The following STYXL2 variants were observed in gnomAD, a reference collection of about 807,000 sequenced individuals.
STYXL2 encodes the protein serine/threonine/tyrosine interacting like 2.
STYXL2 carries 44 observed loss-of-function variants against 52.4 expected under a neutral mutation model. That is an observed-to-expected ratio of 0.84 (90% CI 0.66 to 1.08). The LOEUF (loss-of-function observed/expected upper bound fraction) is 1.08. Among genes scored for constraint, STYXL2 ranks in the 50% least tolerant of loss-of-function variants. The pLI is 0.00. For synonymous variants in STYXL2, 604 were observed against 586.9 expected, an observed-to-expected ratio of 1.03 and a Z score of -0.42; for missense variants, 1,604 against 1,471.7, an observed-to-expected ratio of 1.09 and a Z score of -1.47.
intron 5 of STYXL2, among the ~76,000 whole-genome samples, chr1:167,121,305 C>A (rs1667851241): frequency 6.6e-6 from 1 of 152,176 alleles, no homozygotes; most frequent in South Asian, 2.1e-4. Flanking sequence ...CCACCGCGAC[C>A]GGCCAAAAAA....
At position 167,126,696 on chromosome 1, in the gene STYXL2, G is replaced by T; in HGVS notation, c.1565G>T (p.Ser522Ile). The part of the protein sequence containing the change: ...GSRVREDDED[S>I]VGSEASSFYN... Reference sequence around the variant, plus strand: ...AGGGTGCGGGAGGATGATGAGGACAGCGTGGGCTCTGAGGCCAGTTCCTTC... The same window carrying T: ...AGGGTGCGGGAGGATGATGAGGACATCGTGGGCTCTGAGGCCAGTTCCTTC... The change falls in exon 6 of 6, where the codon AGC (serine) becomes ATC (isoleucine). Residue 522 changes from serine to isoleucine, a missense_variant. By Grantham distance (142) the Ser-to-Ile change is moderately radical. Transcript: ENST00000361200. 1 of 1,614,218 alleles carries T rather than the reference G, an allele frequency of 6.2e-7. No individual in the cohort carries two copies. Among genetic ancestry groups the T allele is most frequent in the Non-Finnish European group, 8.5e-7 (1 of 1,180,040 alleles).
intron 3 of STYXL2, among the ~76,000 whole-genome samples, chr1:167,117,004 A>G (rs1239609756): frequency 2.6e-5 from 4 of 152,178 alleles, no homozygotes; most frequent in Admixed American, 2.0e-4. Flanking sequence ...GTTATTAAGT[A>G]TGAATCAAAG....
At chr1:167,098,677 T>C (rs1440660234) in intron 2 of STYXL2, among the ~76,000 whole-genome samples, 1 of 152,156 alleles carries the variant, frequency 6.6e-6, no homozygotes, top group East Asian at 1.9e-4. Flanking sequence ...CTAGAGAGAT[T>C]TGAAGACTGG....
intron 5 of STYXL2, among the ~76,000 whole-genome samples, chr1:167,120,617 T>C (rs756287221): frequency 4.2e-3 from 599 of 144,124 alleles, no homozygotes; most frequent in Non-Finnish European, 4.8e-3. Flanking sequence ...ACATATTTTC[T>C]TTTTTTTAAT....
In STYXL2 at chr1:167,127,435, C is replaced by A. The variant is rs145856876; in HGVS notation, c.2304C>A (p.Val768=). 3.7e-6 allele frequency: 6 copies of A among 1,614,136 alleles called. No homozygotes were observed. The highest frequency in any genetic ancestry group is 1.3e-5 in the African/African-American group (1 of 75,046). Residue 768 remains valine, a synonymous_variant, in exon 6 of 6, where the codon GTC becomes GTA. Coordinates refer to ENST00000361200, the MANE Select transcript of STYXL2 (RefSeq NM_001080426.3). ...CTAGCTGCCTGGGGGATGACCAAGT[C>A]TCCATGCTTAGTGGACACAGCAGCT... The part of the protein sequence containing the change: ...PAASCLGDDQ[V]SMLSGHSSSS...
chr1:167,127,750 G>A lies in STYXL2; in HGVS notation c.2619G>A (p.Lys873=). ...NKRSSLFKKK[K]VKEDEDDGVG... is the part of the protein sequence containing the mutation. ...GCAGCTCCCTCTTCAAGAAGAAGAA[G>A]GTCAAGGAAGATGAGGATGATGGTG... The change falls in exon 6 of 6, where the codon AAG becomes AAA. Residue 873 remains lysine, a synonymous_variant. Transcript: ENST00000361200. 6.2e-7 allele frequency: 1 copy of A among 1,614,012 alleles called. No homozygotes were observed. The highest frequency in any genetic ancestry group is 8.5e-7 in the Non-Finnish European group (1 of 1,180,008).
intron 3 of STYXL2, among the ~76,000 whole-genome samples, chr1:167,116,508 T>C (rs189369466): frequency 6.6e-6 from 1 of 152,272 alleles, no homozygotes. Flanking sequence ...GAAGGCAATA[T>C]TGCATAAATT....
rs541775702 is a variant in STYXL2 at position 167,113,752 on chromosome 1, G to A, written c.153G>A (p.Met51Ile). Reference protein sequence around the residue: ...VSDAETESIFMEPIHLSSAIA... With the variant: ...VSDAETESIFIEPIHLSSAIA... Reference sequence around the variant, plus strand: ...ATGCAGAAACAGAAAGCATTTTCATGGAACCCATTCACCTCTCCTCAGCCA... The same window carrying A: ...ATGCAGAAACAGAAAGCATTTTCATAGAACCCATTCACCTCTCCTCAGCCA... The change falls in exon 3 of 6, where the codon ATG becomes ATA. Residue 51 changes from methionine (M) to isoleucine (I), a missense_variant. Met to Ile is a conservative substitution (Grantham distance 10, BLOSUM62 1). Coordinates refer to ENST00000361200, the MANE Select transcript of STYXL2 (RefSeq NM_001080426.3). The A allele has an allele frequency of 1.9e-6, 3 of 1,614,082 alleles. No homozygotes were observed. Among genetic ancestry groups the A allele is most frequent in the South Asian group, 1.1e-5 (1 of 91,080 alleles).
intron 3 of STYXL2, among the ~76,000 whole-genome samples, chr1:167,116,465 C>T (rs1042814684): frequency 1.3e-5 from 2 of 151,992 alleles, no homozygotes; most frequent in African/African-American, 4.8e-5. Context: ...GAAGACAATA[C>T]AAGAAATAAA....
At chr1:167,103,338 T>C (rs901405596) in intron 2 of STYXL2, among the ~76,000 whole-genome samples, 6 of 152,290 alleles carry the variant, frequency 3.9e-5, no homozygotes, top group Admixed American at 1.3e-4. Context: ...TACAGCCCTA[T>C]ATCCAGCCCC....
chr1:167,111,680 G>T (rs963310443), intron 2 of STYXL2, among the ~76,000 whole-genome samples: 1 of 151,784 alleles, frequency 6.6e-6, no homozygotes. Context: ...TCACTTATAA[G>T]TAGGAGCTAA....
chr1:167,106,921 C>T (rs1041292680), intron 2 of STYXL2, among the ~76,000 whole-genome samples: 9 of 152,190 alleles, frequency 5.9e-5, no homozygotes, highest in Non-Finnish European at 8.8e-5. Context: ...TTCCTGTTAT[C>T]TATTGGTGCT....
At chr1:167,100,089 A>C (rs980215740) in intron 2 of STYXL2, among the ~76,000 whole-genome samples, 1 of 152,248 alleles carries the variant, frequency 6.6e-6, no homozygotes, top group African/African-American at 2.4e-5. Flanking sequence ...GCTGCCTCAT[A>C]ACATGGCAGA....
At chr1:167,117,180 AT>A (rs1667742331) in intron 3 of STYXL2, 147 bp from the exon 4 acceptor site, 1 of 702,848 alleles carries the variant, frequency 1.4e-6, no homozygotes, top group African/African-American at 1.8e-5. Flanking sequence ...CCTGGGCCCA[AT>A]TAAAGTCCTT....
At chr1:167,096,565 C>T (rs1667288705) in intron 2 of STYXL2, among the ~76,000 whole-genome samples, 1 of 152,172 alleles carries the variant, frequency 6.6e-6, no homozygotes, top group African/African-American at 2.4e-5. Flanking sequence ...TCACAATGCT[C>T]ATCAGTATTA....
At chr1:167,118,490 T>C (rs1667778645) in intron 4 of STYXL2, among the ~76,000 whole-genome samples, 1 of 152,236 alleles carries the variant, frequency 6.6e-6, no homozygotes, top group Admixed American at 6.5e-5. Flanking sequence ...TCCTCAGAGC[T>C]GGGCACCAAG....
In STYXL2 at chr1:167,117,400, T is replaced by A; in HGVS notation, c.278T>A (p.Val93Glu). 1 of 1,612,686 alleles carries A rather than the reference T, an allele frequency of 6.2e-7. No homozygotes were observed. The highest frequency in any genetic ancestry group is 1.1e-5 in the South Asian group (1 of 90,650). Residue 93 changes from valine to glutamate, a missense_variant, in exon 4 of 6, where the codon GTG becomes GAG. Val to Glu is a moderately radical substitution (Grantham distance 121). Transcript: ENST00000361200. The stretch of plus-strand genomic sequence containing the variant: ...CTGGAGTCTGCTGAACAGCTGCTGG[T>A]GGAGGACCTGTACAACCGCGTCAGG... ...GMLESAEQLLVEDLYNRVREK... is the reference protein window; with the variant it reads ...GMLESAEQLLEEDLYNRVREK...
chr1:167,116,040 C>A (rs1667715272), intron 3 of STYXL2, among the ~76,000 whole-genome samples: 1 of 152,126 alleles, frequency 6.6e-6, no homozygotes, highest in Admixed American at 6.5e-5. Context: ...CAGCCCCCAC[C>A]CAGAGACTGC....
rs1047322318 is a variant in STYXL2 at position 167,119,521 on chromosome 1, T to A, written c.655+55T>A. Reference sequence around the variant, plus strand: ...GGAATTCCACGGGGGAAAAGTAATGTGGGGAATGTTATGAAAACCTGATTA... The same window carrying A: ...GGAATTCCACGGGGGAAAAGTAATGAGGGGAATGTTATGAAAACCTGATTA... On this transcript the variant is annotated intron_variant, in intron 5 of 5. Transcript: ENST00000361200. 1.3e-5 allele frequency: 20 copies of A among 1,513,696 alleles called. No homozygotes were observed. The Admixed American group carries it at 2.9e-4, about 22-fold the overall frequency. The allele number at this position is 1,513,696 out of a possible 1,614,324, so 93.8% of individuals were successfully genotyped here.
Sources: allele counts gnomAD v4.1 joint callset (sites outside exome capture counted in the v4.1 genomes callset), GRCh38; gene constraint gnomAD v4.1.1; transcripts MANE v1.5; gene names NCBI Gene and HGNC (gene_info 2026-07-23, HGNC 2026-07-21).